PLXNA4: variants seen among roughly 807,000 people sequenced by gnomAD.
PLXNA4 encodes plexin-A4.
A neutral mutation model predicts 191.8 loss-of-function variants in PLXNA4; 44 were observed. That is an observed-to-expected ratio of 0.23 (90% CI 0.18 to 0.29). The LOEUF is 0.29. Ranked by LOEUF, PLXNA4 falls within the 10% of genes least tolerant of loss-of-function variation. The probability of loss-of-function intolerance (pLI) is 1.00; values close to 1 mark genes in which losing one functional copy is unlikely to be tolerated. For missense variants in PLXNA4, 1,800 were observed against 2,488.8 expected (o/e 0.72, Z 5.89); for synonymous variants, 1,082 against 1,009.5 (o/e 1.07, Z -1.36).
In PLXNA4 at chr7:132,148,617, T is replaced by C; in HGVS notation, c.4690A>G (p.Ile1564Val). The C allele has an allele frequency of 6.2e-7, 1 of 1,614,152 alleles. No individual in the cohort carries two copies. Among genetic ancestry groups the C allele is most frequent in the Non-Finnish European group, 8.5e-7 (1 of 1,180,014 alleles). The change falls in exon 26 of 32, where the codon ATC becomes GTC. Residue 1564 changes from isoleucine to valine, a missense_variant. By Grantham distance (29) the Ile-to-Val change is conservative. Transcript: ENST00000321063. ...GTGGTGATGTCTTCATCCTGCAAGA[T>C]CATCCTTGCCCCACTTCCTTGTCGC... ...EWRQGSGARMILQDEDITTKI... is the reference protein window; with the variant it reads ...EWRQGSGARMVLQDEDITTKI...
At chr7:132,217,450 T>C (rs550909917) in intron 9 of PLXNA4, among the ~76,000 whole-genome samples, 7 of 152,270 alleles carry the variant, frequency 4.6e-5, no homozygotes, top group South Asian at 4.1e-4. Context: ...TCTCCTATTG[T>C]TACAGCAAGA....
rs2278816 is a variant in PLXNA4, at chr7:132,128,648, G to A, written c.*1831C>T. 105,993 of 152,192 alleles carry A rather than the reference G, an allele frequency of 0.7. 38,010 individuals are homozygous for A. Among genetic ancestry groups the A allele is most frequent in the East Asian group, 0.83 (4,281 of 5,168 alleles). The allele number at this position is 152,192 out of a possible 1,614,324, so 9.4% of individuals were successfully genotyped here. ...CACATACATGTGCTCACACACATGT[G>A]CACATATTCATATCCAAAGGGGCAA... On this transcript the variant is annotated 3_prime_UTR_variant, in exon 32 of 32. Transcript: ENST00000321063.
In PLXNA4 at chr7:132,365,364, T is replaced by TGC. The variant is rs10690790; in HGVS notation, c.1372-67144_1372-67143dup. The stretch of plus-strand genomic sequence containing the variant: ...GTGTGTGTGTGTGTGTGTGTGTGCG[T>TGC]GCGCGCGCATGCATGGGGCAAGAGT... On this transcript the variant is annotated intron_variant, in intron 3 of 31. Transcript: ENST00000321063. Among the ~76,000 whole-genome samples, 28 of 147,314 alleles carry TGC rather than the reference T, an allele frequency of 1.9e-4. 1 individual carries two copies. Among genetic ancestry groups the TGC allele is most frequent in the East Asian group, 1.0e-3 (5 of 4,866 alleles).
chr7:132,145,695 T>C (rs1795399073), intron 28 of PLXNA4, among the ~76,000 whole-genome samples: 1 of 152,114 alleles, frequency 6.6e-6, no homozygotes, highest in Non-Finnish European at 1.5e-5. Flanking sequence ...CACTTGGCTC[T>C]GCAGAGAGCA....
chr7:132,191,917 G>A (rs1797104184), intron 14 of PLXNA4, among the ~76,000 whole-genome samples: 1 of 151,274 alleles, frequency 6.6e-6, no homozygotes, highest in African/African-American at 2.4e-5. Context: ...ATGTCTATTG[G>A]GTTCACCTTG....
At chr7:132,443,924 C>T (rs1795793398) in intron 3 of PLXNA4, among the ~76,000 whole-genome samples, 1 of 152,208 alleles carries the variant, frequency 6.6e-6, no homozygotes. Context: ...TCCTTTGGCT[C>T]CCCTGCTGCC....
intron 3 of PLXNA4, among the ~76,000 whole-genome samples, chr7:132,442,497 G>T (rs760498092): frequency 6.6e-6 from 1 of 152,108 alleles, no homozygotes; most frequent in Non-Finnish European, 1.5e-5. Context: ...TCTCGAACGG[G>T]CAACTTTCCC....
At chr7:132,528,573 G>A (rs1385037931) in intron 1 of PLXNA4, among the ~76,000 whole-genome samples, 2 of 152,192 alleles carry the variant, frequency 1.3e-5, no homozygotes, top group African/African-American at 4.8e-5. Flanking sequence ...TGATGAATGG[G>A]ACTGAATGAG....
At chr7:132,301,631 T>G (rs1001093514) in intron 3 of PLXNA4, among the ~76,000 whole-genome samples, 10 of 152,190 alleles carry the variant, frequency 6.6e-5, no homozygotes, top group African/African-American at 2.2e-4. Flanking sequence ...CCGGCACTAT[T>G]GTTTATGTAA....
chr7:132,613,431 C>G (rs764583888), intron 2 of PLXNA4, among the ~76,000 whole-genome samples: 1 of 152,202 alleles, frequency 6.6e-6, no homozygotes, highest in Non-Finnish European at 1.5e-5. Flanking sequence ...TTTTAATTAT[C>G]ACTGTCCCCA....
chr7:132,185,600 G>T, intron 15 of PLXNA4, 137 bp from the exon 16 acceptor site: 1 of 1,311,464 alleles, frequency 7.6e-7, no homozygotes, highest in Admixed American at 3.0e-5. Flanking sequence ...ACAGAAAACT[G>T]GAGAGCCAGT....
At chr7:132,380,547 G>T (rs1452630313) in intron 3 of PLXNA4, among the ~76,000 whole-genome samples, 1 of 152,172 alleles carries the variant, frequency 6.6e-6, no homozygotes, top group African/African-American at 2.4e-5. Context: ...CATTCTCAAA[G>T]AATTTCATGA....
chr7:132,195,763 T>C (rs1416404304), intron 13 of PLXNA4, among the ~76,000 whole-genome samples: 1 of 152,256 alleles, frequency 6.6e-6, no homozygotes, highest in African/African-American at 2.4e-5. Context: ...TTCTTGCTGA[T>C]AGATTGTCTG....
chr7:132,642,101 A>C (rs1447051389), intron 2 of PLXNA4, among the ~76,000 whole-genome samples: 2 of 152,328 alleles, frequency 1.3e-5, no homozygotes, highest in African/African-American at 4.8e-5. Context: ...AAAGTGTGAC[A>C]GAAAATGAAT....
At chr7:132,619,530 C>T (rs1461117091) in intron 2 of PLXNA4, among the ~76,000 whole-genome samples, 2 of 152,206 alleles carry the variant, frequency 1.3e-5, no homozygotes, top group Non-Finnish European at 2.9e-5. Context: ...AAACTGTAAA[C>T]AGAGAAAGTT....
chr7:132,276,761 A>G (rs1800296450), intron 4 of PLXNA4, among the ~76,000 whole-genome samples: 1 of 152,194 alleles, frequency 6.6e-6, no homozygotes, highest in African/African-American at 2.4e-5. Flanking sequence ...TATCAAAGAA[A>G]AGACATTTTT....
chr7:132,481,022 A>C (rs1797312347), intron 3 of PLXNA4, among the ~76,000 whole-genome samples: 1 of 152,092 alleles, frequency 6.6e-6, no homozygotes, highest in Non-Finnish European at 1.5e-5. Flanking sequence ...GCAAAGCTAC[A>C]GGCAAGGGGC....
At chr7:132,614,270 T>G (rs1229065805) in intron 2 of PLXNA4, among the ~76,000 whole-genome samples, 2 of 152,242 alleles carry the variant, frequency 1.3e-5, no homozygotes, top group Non-Finnish European at 2.9e-5. Flanking sequence ...ACACTCTTTT[T>G]TTCAGAACGC....
intron 25 of PLXNA4, among the ~76,000 whole-genome samples, chr7:132,151,564 GAGGAGGAGGAGAA>G (rs371056328): frequency 0.014 from 885 of 62,436 alleles, 107 homozygotes; most frequent in African/African-American, 0.033. Flanking sequence ...GAGGAGAAAG[GAGGAGGAGGAGAA>G]AGGAGGAGGA....
Sources: allele counts gnomAD v4.1 joint callset (sites outside exome capture counted in the v4.1 genomes callset), GRCh38; gene constraint gnomAD v4.1.1; transcripts MANE v1.5; gene names NCBI Gene and HGNC (gene_info 2026-07-23, HGNC 2026-07-21).